Variants in TTC39B observed in about 807,000 individuals in gnomAD.
The protein encoded by TTC39B is tetratricopeptide repeat domain 39B, also known as tetratricopeptide repeat protein 39B.
In TTC39B, 92 loss-of-function variants were observed where a neutral mutation model predicts 96.6. The ratio of observed to expected loss-of-function variants is 0.95; its 90% CI spans 0.80 to 1.13. TTC39B has a LOEUF of 1.13. Ranked by LOEUF, TTC39B falls within the 50% of genes most tolerant of loss-of-function variation. The probability of loss-of-function intolerance (pLI) is 0.00; values close to 1 mark genes in which losing one functional copy is unlikely to be tolerated. For missense variants in TTC39B, 955 were observed against 809.3 expected (o/e 1.18, Z -2.18); for synonymous variants, 367 against 299.4 (o/e 1.23, Z -2.33).
rs1821530347 is a variant in TTC39B, at chr9:15,233,229, T to G, written c.276-7217A>C. On this transcript the variant is annotated intron_variant, in intron 2 of 19. Coordinates refer to ENST00000512701, the Ensembl canonical transcript of TTC39B. Reference sequence around the variant, plus strand: ...TGAGAGAAAACTGGTTCGAGAAGCATGGCCAACATTCCCAATGATCCGCAG... The same window carrying G: ...TGAGAGAAAACTGGTTCGAGAAGCAGGGCCAACATTCCCAATGATCCGCAG... 2.0e-5 allele frequency among the ~76,000 whole-genome samples: 3 copies of G among 152,236 alleles called. No individual in the cohort carries two copies. The South Asian group carries it at 6.2e-4, about 32-fold the overall frequency.
At chr9:15,216,153 T>C (rs1373898323) in intron 3 of TTC39B, among the ~76,000 whole-genome samples, 4 of 152,180 alleles carry the variant, frequency 2.6e-5, no homozygotes, top group Non-Finnish European at 5.9e-5. Flanking sequence ...TCTCCCACCA[T>C]TATTACCATC....
At chr9:15,174,463 A>T (rs1817821385) in intron 19 of TTC39B, among the ~76,000 whole-genome samples, 1 of 152,212 alleles carries the variant, frequency 6.6e-6, no homozygotes, top group African/African-American at 2.4e-5. Flanking sequence ...ACCAGAATTG[A>T]TAAAAATACT....
chr9:15,269,152 T>A (rs902596094), intron 1 of TTC39B, among the ~76,000 whole-genome samples: 1 of 152,202 alleles, frequency 6.6e-6, no homozygotes, highest in South Asian at 2.1e-4. Context: ...AAGAAGAACA[T>A]CTCTGATCAC....
chr9:15,171,853 A>T, exon 20 of TTC39B: 1 of 446,406 alleles, frequency 2.2e-6, no homozygotes, highest in South Asian at 4.7e-5. Context: ...TAGGAAAAAA[A>T]ATTATGTAGA....
chr9:15,305,637 T>C (rs1824730596), intron 1 of TTC39B, among the ~76,000 whole-genome samples: 1 of 151,228 alleles, frequency 6.6e-6, no homozygotes, highest in South Asian at 2.1e-4. Flanking sequence ...GAAACCTAAC[T>C]TCCACCCAGA....
At chr9:15,298,291 G>C (rs1292355619) in intron 1 of TTC39B, among the ~76,000 whole-genome samples, 1 of 152,148 alleles carries the variant, frequency 6.6e-6, no homozygotes, top group Non-Finnish European at 1.5e-5. Flanking sequence ...CACGCTACCA[G>C]CCTCTGCAGC....
exon 20 of TTC39B, chr9:15,167,252 C>T (rs1302261217): frequency 8.1e-6 from 1 of 122,800 alleles, no homozygotes; most frequent in Non-Finnish European, 1.6e-5. Flanking sequence ...CACTGTATTG[C>T]CCAGGCTGGC....
intron 18 of TTC39B, among the ~76,000 whole-genome samples, chr9:15,176,661 C>T (rs1387678220): frequency 1.3e-5 from 2 of 152,022 alleles, no homozygotes; most frequent in Non-Finnish European, 2.9e-5. Flanking sequence ...CCAGGCTTCT[C>T]GTGAAAAATG....
chr9:15,241,505 T>C (rs550923354), intron 2 of TTC39B, among the ~76,000 whole-genome samples: 53 of 152,158 alleles, frequency 3.5e-4, no homozygotes, highest in Non-Finnish European at 6.0e-4. Flanking sequence ...TCAAAGATGA[T>C]ACCTGAGTGA....
chr9:15,288,731 A>G (rs972980415), intron 1 of TTC39B, among the ~76,000 whole-genome samples: 3 of 152,244 alleles, frequency 2.0e-5, no homozygotes, highest in African/African-American at 4.8e-5. Context: ...AGCGCACTGT[A>G]ACACAACACA....
At chr9:15,173,873 T>C (rs1016926834) in intron 19 of TTC39B, among the ~76,000 whole-genome samples, 3 of 152,138 alleles carry the variant, frequency 2.0e-5, no homozygotes, top group African/African-American at 7.2e-5. Context: ...CAGAAGTATG[T>C]TTCGTTCTCT....
chr9:15,255,582 G>GTTCCTATTTTTAT (rs1822722246), intron 2 of TTC39B, among the ~76,000 whole-genome samples: 3 of 151,278 alleles, frequency 2.0e-5, no homozygotes, highest in African/African-American at 7.3e-5. Context: ...ATGGATGAAG[G>GTTCCTATTTTTAT]CGTCAGAAAA....
exon 19 of TTC39B, chr9:15,175,117 A>G (rs376891800): frequency 2.4e-5 from 39 of 1,612,454 alleles, no homozygotes; most frequent in Non-Finnish European, 2.5e-6. Context: ...GGTAGTGGTC[A>G]TACTTCAGTA....
chr9:15,244,459 ACAC>A (rs1265858998), intron 2 of TTC39B, among the ~76,000 whole-genome samples: 1 of 152,230 alleles, frequency 6.6e-6, no homozygotes, highest in African/African-American at 2.4e-5. Flanking sequence ...AGCAATAACA[ACAC>A]CTGCCCTATG....
At chr9:15,167,181 T>C (rs1371378337) in exon 20 of TTC39B, 1 of 138,540 alleles carries the variant, frequency 7.2e-6, no homozygotes, top group African/African-American at 2.7e-5. Flanking sequence ...GGACTACAAG[T>C]GCACTCCACC....
intron 5 of TTC39B, among the ~76,000 whole-genome samples, chr9:15,210,834 G>A (rs1191996288): frequency 1.3e-5 from 2 of 150,834 alleles, no homozygotes; most frequent in African/African-American, 5.0e-5. Context: ...ACAAAGTAAA[G>A]CTTAAAATAA....
At chr9:15,259,983 G>A (rs1822887299) in intron 2 of TTC39B, among the ~76,000 whole-genome samples, 1 of 152,138 alleles carries the variant, frequency 6.6e-6, no homozygotes, top group Non-Finnish European at 1.5e-5. Flanking sequence ...TTCTTTTTCA[G>A]ACGATAAAAA....
chr9:15,274,318 T>A (rs1394138629), intron 1 of TTC39B, among the ~76,000 whole-genome samples: 1 of 152,242 alleles, frequency 6.6e-6, no homozygotes, highest in Non-Finnish European at 1.5e-5. Context: ...GTTCAAAAAG[T>A]AGTCCATGGC....
Position 15,225,883 on chromosome 9 carries a change from T to C in TTC39B, c.371+34A>G, listed in dbSNP as rs561195693. On this transcript the variant is annotated intron_variant, in intron 3 of 19. Coordinates refer to ENST00000512701, the Ensembl canonical transcript of TTC39B. ...CTTCAAGGGTGGGACTGTCCTCCCCTCTTCCCCCAGGAATGCCCACAACCC... is the reference window on the plus strand; with the variant it reads ...CTTCAAGGGTGGGACTGTCCTCCCCCCTTCCCCCAGGAATGCCCACAACCC... 37 of 1,593,660 alleles carry C rather than the reference T, an allele frequency of 2.3e-5. No homozygotes were observed. In the Admixed American group the frequency reaches 6.1e-4, roughly 26 times the overall value.
Sources: gnomAD v4.1 joint callset for allele counts (sites outside exome capture counted in the v4.1 genomes callset) on GRCh38, gnomAD v4.1.1 for gene constraint, MANE v1.5 for transcripts, NCBI Gene and HGNC (gene_info 2026-07-23, HGNC 2026-07-21) for gene names.